FAM151B: variants seen among roughly 807,000 people sequenced by gnomAD.
The protein encoded by FAM151B is family with sequence similarity 151 member B, also known as protein FAM151B.
Under a neutral mutation model 31.2 loss-of-function variants are expected in FAM151B, and 24 were observed. The observed-to-expected ratio is 0.77, with a 90% CI of 0.56 to 1.08. The LOEUF (loss-of-function observed/expected upper bound fraction) is 1.08. FAM151B is among the 50% of genes least tolerant of loss of function. The probability of loss-of-function intolerance (pLI) is 0.00; values close to 1 mark genes in which losing one functional copy is unlikely to be tolerated. For synonymous variants in FAM151B, 105 were observed against 111.4 expected, an observed-to-expected ratio of 0.94 and a Z score of 0.36; for missense variants, 293 against 328.6, an observed-to-expected ratio of 0.89 and a Z score of 0.84.
At chr5:80,493,641 T>C (rs1189520052) in intron 1 of FAM151B, among the ~76,000 whole-genome samples, 1 of 152,202 alleles carries the variant, frequency 6.6e-6, no homozygotes, top group Non-Finnish European at 1.5e-5. Context: ...GTCTGTCTTA[T>C]GCGGTTGATA....
intron 3 of FAM151B, among the ~76,000 whole-genome samples, chr5:80,516,326 A>G (rs1008766827): frequency 2.0e-5 from 3 of 151,944 alleles, no homozygotes; most frequent in Non-Finnish European, 4.4e-5. Flanking sequence ...CGCCATCTCA[A>G]AAAAAAAGTA....
chr5:80,491,978 T>G (rs1743349325), intron 1 of FAM151B, among the ~76,000 whole-genome samples: 1 of 152,172 alleles, frequency 6.6e-6, no homozygotes, highest in Admixed American at 6.5e-5. Flanking sequence ...ATGTTCCAAC[T>G]AATCAACTCT....
At chr5:80,500,460 A>G in intron 1 of FAM151B, 1 of 882,840 alleles carries the variant, frequency 1.1e-6, no homozygotes, top group Non-Finnish European at 1.9e-6. Context: ...ATGCTTTGAA[A>G]GGCAAGGAGG....
chr5:80,537,834 T>G (rs971728933), intron 5 of FAM151B, among the ~76,000 whole-genome samples: 5 of 152,154 alleles, frequency 3.3e-5, no homozygotes, highest in Non-Finnish European at 5.9e-5. Flanking sequence ...TTTAAGTTTT[T>G]TGTGTGTTAC....
At chr5:80,510,576 A>T (rs907991922) in intron 2 of FAM151B, 12 of 152,266 alleles carry the variant, frequency 7.9e-5, no homozygotes, top group African/African-American at 2.9e-4. Flanking sequence ...ATGCTGAAAG[A>T]TCAAAATCCA....
rs973099142 is a variant in FAM151B, at chr5:80,519,920, C to T, written c.535+10C>T. Reference sequence around the variant, plus strand: ...GAGAAAGTCAATGAAGGTAATAATTCTAATAATGTATTTCTTGGTCAAATT... The same window carrying T: ...GAGAAAGTCAATGAAGGTAATAATTTTAATAATGTATTTCTTGGTCAAATT... On this transcript the variant is annotated intron_variant, in intron 4 of 5. Coordinates refer to ENST00000282226, the MANE Select transcript of FAM151B (RefSeq NM_205548.3). The T allele has an allele frequency of 1.2e-6, 2 of 1,606,320 alleles. No homozygotes were observed. Among genetic ancestry groups the T allele is most frequent in the Non-Finnish European group, 1.7e-6 (2 of 1,173,634 alleles).
At chr5:80,506,756 T>C (rs537148679) in intron 2 of FAM151B, among the ~76,000 whole-genome samples, 30 of 152,322 alleles carry the variant, frequency 2.0e-4, no homozygotes, top group South Asian at 6.2e-4. Context: ...GAGAGATTTT[T>C]TTCCCTAAAG....
At chr5:80,505,641 G>A (rs893113297) in intron 2 of FAM151B, among the ~76,000 whole-genome samples, 13 of 151,260 alleles carry the variant, frequency 8.6e-5, no homozygotes, top group Admixed American at 2.0e-4. Flanking sequence ...TGATCTGCCC[G>A]CCTCGGCCTC....
At chr5:80,505,615 C>T (rs1041673347) in intron 2 of FAM151B, among the ~76,000 whole-genome samples, 11 of 151,570 alleles carry the variant, frequency 7.3e-5, no homozygotes, top group African/African-American at 1.7e-4. Context: ...AGGATGGTCT[C>T]GATCTCCTGA....
At chr5:80,515,508 A>G (rs567695250) in intron 3 of FAM151B, among the ~76,000 whole-genome samples, 1 of 152,216 alleles carries the variant, frequency 6.6e-6, no homozygotes, top group African/African-American at 2.4e-5. Context: ...TCACGTGCTC[A>G]GTTTTTCATG....
intron 1 of FAM151B, among the ~76,000 whole-genome samples, chr5:80,489,082 A>C (rs2112590547): frequency 6.6e-6 from 1 of 152,254 alleles, no homozygotes; most frequent in South Asian, 2.1e-4. Flanking sequence ...CATGTCACCA[A>C]GGTTTTTATA....
In FAM151B at chr5:80,541,850, A is replaced by G. The variant is rs765376708; in HGVS notation, c.*18A>G. 1.9e-6 allele frequency: 3 copies of G among 1,604,586 alleles called. No homozygotes were observed. In the South Asian group the frequency reaches 3.4e-5, roughly 18 times the overall value. Reference sequence around the variant, plus strand: ...ATCTCTAAGAAGAAGATTCTCAATTATTTCCTGTGTTTTGGTTTCATAATC... The same window carrying G: ...ATCTCTAAGAAGAAGATTCTCAATTGTTTCCTGTGTTTTGGTTTCATAATC... On this transcript the variant is annotated 3_prime_UTR_variant, in exon 6 of 6. Coordinates refer to ENST00000282226, the MANE Select transcript of FAM151B (RefSeq NM_205548.3).
chr5:80,541,948 A>C lies in FAM151B; in HGVS notation c.*116A>C. ...GATTGACGTTCCAAGTCATCTAATC[A>C]AGAAACGTTTATTGTATGCTTACTC... is the stretch of plus-strand genomic sequence containing the variant. On this transcript the variant is annotated 3_prime_UTR_variant, in exon 6 of 6. Transcript: ENST00000282226. 2 of 1,118,226 alleles carry C rather than the reference A, an allele frequency of 1.8e-6. No individual in the cohort carries two copies. Among genetic ancestry groups the C allele is most frequent in the Non-Finnish European group, 1.3e-6 (1 of 795,188 alleles). The allele number at this position is 1,118,226 out of a possible 1,614,324, so 69.3% of individuals were successfully genotyped here.
chr5:80,496,639 G>A (rs1743546510), intron 1 of FAM151B, among the ~76,000 whole-genome samples: 1 of 151,966 alleles, frequency 6.6e-6, no homozygotes, highest in Non-Finnish European at 1.5e-5. Flanking sequence ...CAAAATGTCA[G>A]TATTGGCTCA....
At chr5:80,540,919 A>G (rs1027759455) in intron 5 of FAM151B, among the ~76,000 whole-genome samples, 1 of 152,188 alleles carries the variant, frequency 6.6e-6, no homozygotes, top group Admixed American at 6.5e-5. Context: ...AGTAGAAAAA[A>G]TGCTTTGGAA....
intron 1 of FAM151B, among the ~76,000 whole-genome samples, chr5:80,497,429 A>G (rs908383680): frequency 6.6e-6 from 1 of 151,392 alleles, no homozygotes; most frequent in Non-Finnish European, 1.5e-5. Context: ...AAAAAAAAAA[A>G]CAAAAACAAT....
intron 1 of FAM151B, among the ~76,000 whole-genome samples, chr5:80,493,653 A>G (rs763450445): frequency 3.9e-5 from 6 of 152,142 alleles, no homozygotes; most frequent in Non-Finnish European, 7.3e-5. Context: ...CGGTTGATAT[A>G]AGGATTGAAA....
intron 2 of FAM151B, among the ~76,000 whole-genome samples, chr5:80,507,491 G>A (rs1365298229): frequency 6.6e-6 from 1 of 151,936 alleles, no homozygotes; most frequent in Non-Finnish European, 1.5e-5. Context: ...GACCAGCCTG[G>A]GCAACATGGA....
chr5:80,508,705 G>A (rs556980981), intron 2 of FAM151B, among the ~76,000 whole-genome samples: 1 of 152,124 alleles, frequency 6.6e-6, no homozygotes, highest in East Asian at 1.9e-4. Context: ...AATATAGTGG[G>A]CTTTTAATAT....
Sources: gnomAD v4.1 joint callset for allele counts (sites outside exome capture counted in the v4.1 genomes callset) on GRCh38, gnomAD v4.1.1 for gene constraint, MANE v1.5 for transcripts, NCBI Gene and HGNC (gene_info 2026-07-23, HGNC 2026-07-21) for gene names.